The following CNTNAP2 variants were observed in gnomAD, a reference collection of about 807,000 sequenced individuals.
CNTNAP2 encodes the protein contactin associated protein 2.
Under a neutral mutation model 155.2 loss-of-function variants are expected in CNTNAP2, and 98 were observed. The observed-to-expected ratio is 0.63, with a 90% CI of 0.54 to 0.75. The LOEUF (loss-of-function observed/expected upper bound fraction) is 0.75, where lower values mean the gene tolerates loss of function less well. CNTNAP2 is among the 30% of genes least tolerant of loss of function. The probability of loss-of-function intolerance (pLI) is 0.00; values close to 1 mark genes in which losing one functional copy is unlikely to be tolerated. For missense variants in CNTNAP2, 1,727 were observed against 1,688.1 expected, an observed-to-expected ratio of 1.02 and a Z score of -0.40; for synonymous variants, 651 against 631.2, an observed-to-expected ratio of 1.03 and a Z score of -0.47.
At chr7:147,039,583 A>G (rs964012597) in intron 3 of CNTNAP2, among the ~76,000 whole-genome samples, 4 of 152,074 alleles carry the variant, frequency 2.6e-5, no homozygotes, top group African/African-American at 9.7e-5. Flanking sequence ...TCTTCATCCA[A>G]TCTGGGTTGA....
At chr7:146,966,854 C>G (rs1371440035) in intron 3 of CNTNAP2, among the ~76,000 whole-genome samples, 1 of 152,142 alleles carries the variant, frequency 6.6e-6, no homozygotes, top group East Asian at 1.9e-4. Context: ...CTATTGTATA[C>G]TAAATAGTGT....
At chr7:146,649,015 T>G (rs1326532035) in intron 1 of CNTNAP2, among the ~76,000 whole-genome samples, 1 of 152,022 alleles carries the variant, frequency 6.6e-6, no homozygotes, top group Non-Finnish European at 1.5e-5. Flanking sequence ...AAAAAGCAAT[T>G]CAGAATGTCA....
intron 1 of CNTNAP2, among the ~76,000 whole-genome samples, chr7:146,259,000 T>A (rs111632368): frequency 0.041 from 6,301 of 152,186 alleles, 401 homozygotes; most frequent in African/African-American, 0.14. Flanking sequence ...TTATTGGATC[T>A]TGGAGGTGGT....
At chr7:146,856,289 GATAGATAGATACATACATACATAC>G (rs1413526157) in intron 3 of CNTNAP2, among the ~76,000 whole-genome samples, 1,164 of 64,290 alleles carry the variant, frequency 0.018, 9 homozygotes, top group Non-Finnish European at 0.023. Context: ...TAGATAGATA[GATAGATAGATACATACATACATAC>G]ATACATACAT....
intron 10 of CNTNAP2, among the ~76,000 whole-genome samples, chr7:147,454,379 A>G (rs1250522267): frequency 6.6e-6 from 1 of 152,172 alleles, no homozygotes; most frequent in Non-Finnish European, 1.5e-5. Flanking sequence ...GTCATTATTC[A>G]TACAAGACTT....
At position 146,234,490 on chromosome 7, in the gene CNTNAP2, G is replaced by T. The variant is rs548629974; in HGVS notation, c.97+117517G>T. The stretch of plus-strand genomic sequence containing the variant: ...AATTAGATCCCATTTGTCAATTTTG[G>T]CTTTTGTTGCCATTGCTTTTGGTGT... On this transcript the variant is annotated intron_variant, in intron 1 of 23. Transcript: ENST00000361727. Among the ~76,000 whole-genome samples, 376 of 151,774 alleles carry T rather than the reference G, an allele frequency of 2.5e-3. 5 individuals are homozygous for T. Among genetic ancestry groups the T allele is most frequent in the African/African-American group, 8.7e-3 (362 of 41,388 alleles).
At chr7:147,742,524 A>G (rs934717982) in intron 13 of CNTNAP2, among the ~76,000 whole-genome samples, 17 of 152,212 alleles carry the variant, frequency 1.1e-4, no homozygotes, top group African/African-American at 3.1e-4. Context: ...TATGTACCAA[A>G]GAAGGCATAT....
rs539192225 is a variant in CNTNAP2 at position 146,509,507 on chromosome 7, T to G, written c.98-264764T>G. Among the ~76,000 whole-genome samples the G allele has an allele frequency of 4.5e-4, 68 of 152,256 alleles. No homozygotes were observed. The South Asian group carries it at 8.5e-3, about 19-fold the overall frequency. Reference sequence around the variant, plus strand: ...TGGGGTATAGGCAGTGTATGACTTGTGCTCCATCATGGTAGGAGGTCTCTG... The same window carrying G: ...TGGGGTATAGGCAGTGTATGACTTGGGCTCCATCATGGTAGGAGGTCTCTG... On this transcript the variant is annotated intron_variant, in intron 1 of 23. Coordinates refer to ENST00000361727, the MANE Select transcript of CNTNAP2 (RefSeq NM_014141.6).
chr7:146,204,783 C>G, intron 1 of CNTNAP2, among the ~76,000 whole-genome samples: 1 of 151,984 alleles, frequency 6.6e-6, no homozygotes, highest in East Asian at 1.9e-4. Flanking sequence ...TTGTATATAA[C>G]TAATGGCCCC....
chr7:148,011,158 A>G (rs1336789606), intron 15 of CNTNAP2, among the ~76,000 whole-genome samples: 2 of 152,120 alleles, frequency 1.3e-5, no homozygotes, highest in African/African-American at 4.8e-5. Context: ...ATGTATATAT[A>G]TAATCATATA....
chr7:148,253,745 G>A (rs1247662151), intron 20 of CNTNAP2, among the ~76,000 whole-genome samples: 2 of 152,124 alleles, frequency 1.3e-5, no homozygotes, highest in Non-Finnish European at 2.9e-5. Context: ...TGTACTACTG[G>A]GCAGGTGTAA....
intron 21 of CNTNAP2, among the ~76,000 whole-genome samples, chr7:148,366,317 T>TGTATG (rs1216076516): frequency 7.2e-4 from 109 of 151,892 alleles, no homozygotes; most frequent in South Asian, 4.4e-3. Flanking sequence ...TATGTATACA[T>TGTATG]TATGTATACA....
intron 14 of CNTNAP2, among the ~76,000 whole-genome samples, chr7:147,920,838 C>T (rs1440342152): frequency 8.3e-6 from 1 of 121,094 alleles, no homozygotes; most frequent in Non-Finnish European, 1.6e-5. Flanking sequence ...GAGATGGAGT[C>T]TCACTCTGTC....
chr7:146,931,207 G>A (rs1488438223), intron 3 of CNTNAP2, among the ~76,000 whole-genome samples: 1 of 152,014 alleles, frequency 6.6e-6, no homozygotes, highest in Non-Finnish European at 1.5e-5. Flanking sequence ...CTCAGCAAAT[G>A]TAAAAGAACA....
At chr7:146,676,309 T>C (rs1800397204) in intron 1 of CNTNAP2, among the ~76,000 whole-genome samples, 1 of 152,206 alleles carries the variant, frequency 6.6e-6, no homozygotes, top group African/African-American at 2.4e-5. Flanking sequence ...TTAGACATTG[T>C]TGACCTAAAA....
At chr7:146,802,974 A>G (rs575931659) in intron 2 of CNTNAP2, among the ~76,000 whole-genome samples, 2 of 152,326 alleles carry the variant, frequency 1.3e-5, no homozygotes, top group East Asian at 3.9e-4. Context: ...GACATAATCA[A>G]TGAAGATTAT....
intron 12 of CNTNAP2, among the ~76,000 whole-genome samples, chr7:147,575,251 G>C (rs1443815649): frequency 8.4e-6 from 1 of 118,674 alleles, no homozygotes; most frequent in Non-Finnish European, 1.7e-5. Flanking sequence ...GTGTGTGTGT[G>C]TGTGTATTCC....
intron 13 of CNTNAP2, among the ~76,000 whole-genome samples, chr7:147,733,201 A>G (rs1186840561): frequency 1.3e-5 from 2 of 152,138 alleles, no homozygotes; most frequent in Admixed American, 1.3e-4. Flanking sequence ...TCTTGAATTC[A>G]TTTTTGTATA....
chr7:147,579,865 G>T (rs17170610), intron 12 of CNTNAP2, among the ~76,000 whole-genome samples: 10,988 of 152,066 alleles, frequency 0.072, 847 homozygotes, highest in African/African-American at 0.19. Flanking sequence ...GGAAATTCTG[G>T]CTTAACTAAA....
Sources: allele counts gnomAD v4.1 joint callset (sites outside exome capture counted in the v4.1 genomes callset), GRCh38; gene constraint gnomAD v4.1.1; transcripts MANE v1.5; gene names NCBI Gene and HGNC (gene_info 2026-07-23, HGNC 2026-07-21).